Variants in LUZP2 observed in about 807,000 individuals in gnomAD.
LUZP2 encodes leucine zipper protein 2.
A neutral mutation model predicts 51.6 loss-of-function variants in LUZP2; 52 were observed. The observed-to-expected ratio is 1.01, with a 90% confidence interval of 0.81 to 1.27. The LOEUF (loss-of-function observed/expected upper bound fraction) is 1.27. Ranked by LOEUF, LUZP2 falls within the 50% of genes most tolerant of loss-of-function variation. LUZP2 has a pLI of 0.00. For missense variants in LUZP2, 436 were observed against 395.4 expected, an observed-to-expected ratio of 1.10 and a Z score of -0.87; for synonymous variants, 154 against 137.3, an observed-to-expected ratio of 1.12 and a Z score of -0.85.
chr11:24,929,071 G>C (rs1258754375), intron 7 of LUZP2, among the ~76,000 whole-genome samples: 1 of 151,956 alleles, frequency 6.6e-6, no homozygotes, highest in African/African-American at 2.4e-5. Context: ...TGTGGTATCA[G>C]TTATAATATA....
chr11:24,539,785 C>T (rs1851298655), intron 1 of LUZP2, among the ~76,000 whole-genome samples: 1 of 152,038 alleles, frequency 6.6e-6, no homozygotes, highest in Non-Finnish European at 1.5e-5. Flanking sequence ...TAGTCACCAG[C>T]TAAATGCCTA....
At chr11:24,872,267 A>G (rs1417360399) in intron 5 of LUZP2, among the ~76,000 whole-genome samples, 3 of 152,106 alleles carry the variant, frequency 2.0e-5, no homozygotes, top group Non-Finnish European at 4.4e-5. Flanking sequence ...AGTCTAATTC[A>G]GTATTGTGAT....
intron 9 of LUZP2, among the ~76,000 whole-genome samples, chr11:25,031,437 G>C (rs1328777546): frequency 6.6e-6 from 1 of 152,022 alleles, no homozygotes; most frequent in African/African-American, 2.4e-5. Context: ...AGTTTATGTG[G>C]TGTTGCCTTT....
chr11:24,809,564 G>A (rs1849956120), intron 5 of LUZP2, among the ~76,000 whole-genome samples: 2 of 152,074 alleles, frequency 1.3e-5, no homozygotes, highest in Non-Finnish European at 2.9e-5. Flanking sequence ...TCATAAGACT[G>A]GCATAGCCAA....
intron 1 of LUZP2, among the ~76,000 whole-genome samples, chr11:24,717,709 C>T (rs1288467716): frequency 6.6e-6 from 1 of 152,076 alleles, no homozygotes; most frequent in East Asian, 1.9e-4. Flanking sequence ...GCCACCGCGC[C>T]CGGCCCCCAA....
At chr11:24,967,358 TTC>T (rs1229805748) in intron 7 of LUZP2, among the ~76,000 whole-genome samples, 6 of 83,378 alleles carry the variant, frequency 7.2e-5, no homozygotes, top group African/African-American at 9.6e-5. Context: ...TTGTATATCT[TTC>T]TGTTTATTTA....
intron 7 of LUZP2, among the ~76,000 whole-genome samples, chr11:24,929,014 T>C (rs1854364711): frequency 1.3e-5 from 2 of 152,056 alleles, no homozygotes; most frequent in Non-Finnish European, 2.9e-5. Context: ...AGTTTATGCA[T>C]GTAAAGGTGT....
At chr11:24,935,955 CAT>C (rs1466101293) in intron 7 of LUZP2, among the ~76,000 whole-genome samples, 1 of 152,098 alleles carries the variant, frequency 6.6e-6, no homozygotes, top group African/African-American at 2.4e-5. Context: ...CTTTGGGCAA[CAT>C]GTTTAGATGT....
At chr11:24,764,834 A>G (rs989190321) in intron 5 of LUZP2, among the ~76,000 whole-genome samples, 1 of 152,128 alleles carries the variant, frequency 6.6e-6, no homozygotes, top group Non-Finnish European at 1.5e-5. Context: ...TACCAAATAA[A>G]TAAATAAACG....
chr11:25,033,421 TA>T (rs71447407), intron 9 of LUZP2, among the ~76,000 whole-genome samples: 57,675 of 152,008 alleles, frequency 0.38, 13,308 homozygotes, highest in East Asian at 0.77. Context: ...ATCAAAGGAT[TA>T]AAAAAGTCAA....
intron 7 of LUZP2, among the ~76,000 whole-genome samples, chr11:24,926,476 T>C (rs1425471745): frequency 5.3e-5 from 6 of 112,916 alleles, no homozygotes; most frequent in African/African-American, 2.1e-4. Flanking sequence ...CGTGTATATA[T>C]GTGTGTGTAT....
At chr11:24,846,634 CT>C (rs1449140280) in intron 5 of LUZP2, among the ~76,000 whole-genome samples, 2 of 152,058 alleles carry the variant, frequency 1.3e-5, no homozygotes, top group Non-Finnish European at 2.9e-5. Flanking sequence ...AAATCCCAGG[CT>C]TTCATGGCTT....
At chr11:25,026,855 T>C (rs1470589583) in intron 9 of LUZP2, among the ~76,000 whole-genome samples, 1 of 148,032 alleles carries the variant, frequency 6.8e-6, no homozygotes, top group African/African-American at 2.5e-5. Flanking sequence ...TTTTATTTTT[T>C]TTATTTTTTT....
intron 5 of LUZP2, among the ~76,000 whole-genome samples, chr11:24,794,714 A>T (rs1849503396): frequency 6.6e-6 from 1 of 152,242 alleles, no homozygotes; most frequent in Non-Finnish European, 1.5e-5. Flanking sequence ...TTTCTTTTAC[A>T]TGTAATACAA....
chr11:24,966,837 A>G (rs1855597830), intron 7 of LUZP2, among the ~76,000 whole-genome samples: 1 of 147,572 alleles, frequency 6.8e-6, no homozygotes, highest in Non-Finnish European at 1.5e-5. Context: ...ATATGTATAC[A>G]TTATATAATG....
chr11:24,732,050 A>T, intron 2 of LUZP2, 68 bp from the exon 3 acceptor site: 1 of 1,233,830 alleles, frequency 8.1e-7, no homozygotes, highest in East Asian at 2.4e-5. Context: ...AGTACTCTAG[A>T]ACCAAAGTTA....
intron 1 of LUZP2, among the ~76,000 whole-genome samples, chr11:24,659,965 A>T (rs150855851): frequency 1.2e-4 from 18 of 152,290 alleles, no homozygotes; most frequent in African/African-American, 4.1e-4. Context: ...AGTTGTAATT[A>T]GGTCCATAAT....
intron 7 of LUZP2, among the ~76,000 whole-genome samples, chr11:24,970,837 A>C (rs1855718679): frequency 6.6e-6 from 1 of 152,178 alleles, no homozygotes; most frequent in Non-Finnish European, 1.5e-5. Flanking sequence ...AGCCAGAAAC[A>C]AAACCAAGCT....
At chr11:24,534,331 TAGAG>T (rs889852595) in intron 1 of LUZP2, among the ~76,000 whole-genome samples, 29 of 151,150 alleles carry the variant, frequency 1.9e-4, no homozygotes, top group African/African-American at 3.1e-4. Context: ...TATTTCCATA[TAGAG>T]AGAGAGCAAC....
Sources: gnomAD v4.1 joint callset for allele counts (sites outside exome capture counted in the v4.1 genomes callset) on GRCh38, gnomAD v4.1.1 for gene constraint, MANE v1.5 for transcripts, NCBI Gene and HGNC (gene_info 2026-07-23, HGNC 2026-07-21) for gene names.